QKI: variants seen among roughly 807,000 people sequenced by gnomAD.
QKI encodes the protein KH domain-containing RNA-binding protein QKI.
Under a neutral mutation model 39.0 loss-of-function variants are expected in QKI, and 10 were observed. That is an observed-to-expected ratio of 0.26 (90% CI 0.16 to 0.43). The LOEUF is 0.43. QKI is among the 20% of genes least tolerant of loss of function. The probability of loss-of-function intolerance (pLI) is 1.00; values close to 1 mark genes in which losing one functional copy is unlikely to be tolerated. For missense variants in QKI, 218 were observed against 428.0 expected (o/e 0.51, Z 4.33); for synonymous variants, 204 against 155.4 (o/e 1.31, Z -2.33).
chr6:163,442,609 T>C (rs1789842020), intron 1 of QKI, among the ~76,000 whole-genome samples: 1 of 152,178 alleles, frequency 6.6e-6, no homozygotes, highest in Non-Finnish European at 1.5e-5. Flanking sequence ...ATTGGGGATA[T>C]AGTCTGAAAG....
At chr6:163,425,282 G>T (rs1433097824) in intron 1 of QKI, among the ~76,000 whole-genome samples, 2 of 152,150 alleles carry the variant, frequency 1.3e-5, no homozygotes, top group African/African-American at 4.8e-5. Flanking sequence ...AAATAGGTAC[G>T]GATTTAGTTA....
At chr6:163,428,760 T>TA (rs397945653) in intron 1 of QKI, among the ~76,000 whole-genome samples, 2 of 151,668 alleles carry the variant, frequency 1.3e-5, no homozygotes, top group East Asian at 3.9e-4. Context: ...TTTTTTTTTT[T>TA]AAACTGTCAA....
chr6:163,546,810 A>G (rs1347393173), intron 4 of QKI, among the ~76,000 whole-genome samples: 1 of 152,044 alleles, frequency 6.6e-6, no homozygotes, highest in African/African-American at 2.4e-5. Context: ...GAAAGTGACT[A>G]TTAAATTATC....
At chr6:163,533,971 A>G (rs926161827) in intron 3 of QKI, among the ~76,000 whole-genome samples, 3 of 152,232 alleles carry the variant, frequency 2.0e-5, no homozygotes, top group African/African-American at 7.2e-5. Context: ...ACTGGAATCT[A>G]ACAATTAGGT....
At chr6:163,559,888 ATTG>A (rs1417066778) in intron 4 of QKI, among the ~76,000 whole-genome samples, 4 of 152,150 alleles carry the variant, frequency 2.6e-5, no homozygotes, top group Non-Finnish European at 5.9e-5. Context: ...ATGTCAGAAA[ATTG>A]TTGCATTGTG....
At chr6:163,421,068 T>C (rs907319251) in intron 1 of QKI, among the ~76,000 whole-genome samples, 4 of 146,982 alleles carry the variant, frequency 2.7e-5, no homozygotes, top group African/African-American at 9.7e-5. Context: ...GTGCACATGG[T>C]TTAAAAAAAA....
intron 3 of QKI, among the ~76,000 whole-genome samples, chr6:163,533,474 A>G (rs1474686536): frequency 2.0e-5 from 3 of 152,096 alleles, no homozygotes; most frequent in Non-Finnish European, 2.9e-5. Flanking sequence ...TAGCATTTGT[A>G]TTTTCTTGGG....
rs191856884 is a variant in QKI, at chr6:163,455,217, T to C, written c.143-62T>C. 9.2e-4 allele frequency: 1,289 copies of C among 1,404,264 alleles called. 14 individuals are homozygous for C. In the African/African-American group the frequency reaches 0.016, roughly 18 times the overall value. 87.0% of individuals were successfully genotyped at this position (1,404,264 alleles called of 1,614,324 possible). ...AAACCCTCCCCTGCCCTCTCTTTTT[T>C]CCTCTGGACTAGCAAGAATATTTTT... On this transcript the variant is annotated intron_variant, in intron 1 of 7. Transcript: ENST00000361752.
chr6:163,492,145 T>C (rs1173547680), intron 3 of QKI, among the ~76,000 whole-genome samples: 1 of 152,216 alleles, frequency 6.6e-6, no homozygotes, highest in African/African-American at 2.4e-5. Flanking sequence ...GCTGCAGCAA[T>C]TGATCTTTTC....
intron 1 of QKI, among the ~76,000 whole-genome samples, chr6:163,452,853 G>C (rs1027713645): frequency 6.6e-6 from 1 of 152,034 alleles, no homozygotes; most frequent in African/African-American, 2.4e-5. Flanking sequence ...TCAGCCTCCT[G>C]AGTAGCTGGG....
chr6:163,523,420 A>G (rs1405619325), intron 3 of QKI, among the ~76,000 whole-genome samples: 2 of 152,220 alleles, frequency 1.3e-5, no homozygotes, highest in East Asian at 1.9e-4. Context: ...TTAAGAGACA[A>G]TAATAAATGT....
chr6:163,458,269 C>T (rs1026803770), intron 2 of QKI, among the ~76,000 whole-genome samples: 4 of 152,096 alleles, frequency 2.6e-5, no homozygotes, highest in Admixed American at 6.5e-5. Context: ...TCCTGGTGTT[C>T]GCTTTTCTCA....
At chr6:163,539,597 T>G (rs1379107661) in intron 4 of QKI, among the ~76,000 whole-genome samples, 1 of 152,162 alleles carries the variant, frequency 6.6e-6, no homozygotes, top group Non-Finnish European at 1.5e-5. Context: ...TGTCCAGTAG[T>G]GAACATTTCC....
At chr6:163,421,087 C>T (rs1034964827) in intron 1 of QKI, among the ~76,000 whole-genome samples, 2 of 152,012 alleles carry the variant, frequency 1.3e-5, no homozygotes, top group Non-Finnish European at 2.9e-5. Flanking sequence ...AAATGAAAAT[C>T]TGAAAGTGAC....
chr6:163,483,836 C>T (rs999823478), intron 3 of QKI, among the ~76,000 whole-genome samples: 2 of 152,140 alleles, frequency 1.3e-5, no homozygotes, highest in African/African-American at 4.8e-5. Flanking sequence ...GATTCCTTTC[C>T]AGGAGGTTTT....
chr6:163,516,526 C>T (rs1430045129), intron 3 of QKI, among the ~76,000 whole-genome samples: 3 of 152,108 alleles, frequency 2.0e-5, no homozygotes, highest in African/African-American at 4.8e-5. Context: ...ATCTCTTGAC[C>T]TCGTGATCCA....
Position 163,571,378 on chromosome 6 carries a change from T to C in QKI, c.*668T>C, listed in dbSNP as rs1783689766. 6.6e-6 allele frequency: 1 copy of C among 152,180 alleles called. No homozygotes were observed. The highest frequency in any genetic ancestry group is 2.4e-5 in the African/African-American group (1 of 41,444). The allele number at this position is 152,180 out of a possible 1,614,324, so 9.4% of individuals were successfully genotyped here. A position where few individuals can be genotyped will look rare whatever the true frequency, so the allele number is the denominator to read the frequency against. ...TGAAAAGTAATGCAAATAACAAAAC[T>C]GCAACACTATTTTTAAAAAGATAAA... On this transcript the variant is annotated 3_prime_UTR_variant, in exon 8 of 8. Coordinates refer to ENST00000361752, the MANE Select transcript of QKI (RefSeq NM_006775.3).
chr6:163,559,422 CT>C (rs1403381168), intron 4 of QKI, among the ~76,000 whole-genome samples: 2 of 119,416 alleles, frequency 1.7e-5, no homozygotes, highest in Non-Finnish European at 3.4e-5. Context: ...TTTCAAATGA[CT>C]AGTTTTTAGC....
chr6:163,415,433 G>C, intron 1 of QKI, 98 bp downstream of exon 1: 6 of 1,213,870 alleles, frequency 4.9e-6, no homozygotes, highest in Non-Finnish European at 6.6e-6. Flanking sequence ...TCACGGCCGG[G>C]CGGGACCGAG....
Sources: gnomAD v4.1 joint callset for allele counts (sites outside exome capture counted in the v4.1 genomes callset) on GRCh38, gnomAD v4.1.1 for gene constraint, MANE v1.5 for transcripts, NCBI Gene and HGNC (gene_info 2026-07-23, HGNC 2026-07-21) for gene names.